The following LRRIQ1 variants were observed in gnomAD, a reference collection of about 807,000 sequenced individuals.
LRRIQ1 encodes leucine-rich repeat- and IQ domain-containing protein 1.
A neutral mutation model predicts 211.9 loss-of-function variants in LRRIQ1; 210 were observed. The observed-to-expected ratio is 0.99, with a 90% CI of 0.89 to 1.11. The LOEUF (loss-of-function observed/expected upper bound fraction) is 1.11. LRRIQ1 is among the 50% of genes most tolerant of loss of function. LRRIQ1 has a pLI of 0.00. For synonymous variants in LRRIQ1, 699 were observed against 650.1 expected (o/e 1.08, Z -1.14); for missense variants, 2,136 against 1,939.5 (o/e 1.10, Z -1.90).
chr12:85,106,207 C>A (rs1234435104), intron 14 of LRRIQ1, among the ~76,000 whole-genome samples: 1 of 152,128 alleles, frequency 6.6e-6, no homozygotes, highest in African/African-American at 2.4e-5. Context: ...TTTGTGCTTA[C>A]AATCTGTCAC....
intron 3 of LRRIQ1, 87 bp from the exon 4 acceptor site, chr12:85,044,631 G>C: frequency 3.4e-6 from 2 of 592,698 alleles, no homozygotes; most frequent in Non-Finnish European, 6.0e-6. Flanking sequence ...TAGAATTTGA[G>C]GTTAAAAATT....
Position 85,184,999 on chromosome 12 carries a change from A to T in LRRIQ1, c.4822+24285A>T, listed in dbSNP as rs925726894. On this transcript the variant is annotated intron_variant, in intron 24 of 26. Transcript: ENST00000393217. Reference sequence around the variant, plus strand: ...TTACACTTTTCATAAGGATCATATGATTTATCAAACAAAAGAAATTCTCAG... The same window carrying T: ...TTACACTTTTCATAAGGATCATATGTTTTATCAAACAAAAGAAATTCTCAG... 2.0e-5 allele frequency among the ~76,000 whole-genome samples: 3 copies of T among 152,122 alleles called. No homozygotes were observed. The East Asian group carries it at 5.8e-4, about 29-fold the overall frequency.
At position 85,053,798 on chromosome 12, in the gene LRRIQ1, C is replaced by A. The variant is rs1880625351; in HGVS notation, c.753+1547C>A. ...TCTCGGCTCACTTCAAGCTCCGCCT[C>A]CTGGGTTCACGCCATTCTCCTGCCT... On this transcript the variant is annotated intron_variant, in intron 7 of 26. Coordinates refer to ENST00000393217, the MANE Select transcript of LRRIQ1 (RefSeq NM_001079910.2). 2.0e-5 allele frequency among the ~76,000 whole-genome samples: 3 copies of A among 152,304 alleles called. No individual in the cohort carries two copies. In the South Asian group the frequency reaches 6.2e-4, roughly 32 times the overall value.
intron 14 of LRRIQ1, among the ~76,000 whole-genome samples, chr12:85,104,819 T>C (rs1886652408): frequency 6.6e-6 from 1 of 152,136 alleles, no homozygotes; most frequent in East Asian, 1.9e-4. Flanking sequence ...AGAGTATAAT[T>C]GTTGGATAAT....
chr12:85,251,741 A>C (rs996797804), intron 1 of LRRIQ1, among the ~76,000 whole-genome samples: 32 of 150,922 alleles, frequency 2.1e-4, no homozygotes, highest in African/African-American at 7.6e-4. Context: ...AATTAGAAAG[A>C]CATATATGTG....
At chr12:85,201,852 C>T (rs531706634) in intron 24 of LRRIQ1, among the ~76,000 whole-genome samples, 1 of 152,016 alleles carries the variant, frequency 6.6e-6, no homozygotes, top group East Asian at 1.9e-4. Flanking sequence ...TCTCTTGTTT[C>T]TCTAGTTCCT....
chr12:85,246,386 G>A (rs868839419), downstream of LRRIQ1, among the ~76,000 whole-genome samples: 10 of 150,950 alleles, frequency 6.6e-5, no homozygotes, highest in East Asian at 3.9e-4. Context: ...ATAATTTTAC[G>A]CATTGCATAT....
chr12:85,189,113 A>G (rs1312747037), intron 24 of LRRIQ1, among the ~76,000 whole-genome samples: 1 of 152,114 alleles, frequency 6.6e-6, no homozygotes, highest in Non-Finnish European at 1.5e-5. Flanking sequence ...AAAAACATAA[A>G]CAGTTAGCTA....
At chr12:85,266,535 G>T (rs757497817), downstream of LRRIQ1, among the ~76,000 whole-genome samples, 9 of 152,072 alleles carry the variant, frequency 5.9e-5, no homozygotes, top group Middle Eastern at 3.2e-3. Context: ...CAAACCAAAA[G>T]TTAAACTGAA....
intron 24 of LRRIQ1, among the ~76,000 whole-genome samples, chr12:85,209,749 G>C (rs1256455136): frequency 6.6e-6 from 1 of 151,460 alleles, no homozygotes; most frequent in African/African-American, 2.4e-5. Flanking sequence ...TATTTCTTGA[G>C]CAAAAAAAAT....
At chr12:85,102,511 T>G (rs2136299233) in intron 13 of LRRIQ1, among the ~76,000 whole-genome samples, 1 of 151,898 alleles carries the variant, frequency 6.6e-6, no homozygotes, top group Non-Finnish European at 1.5e-5. Context: ...CAGAGAAATG[T>G]TCTCCCAGCC....
the LRRIQ1 span, among the ~76,000 whole-genome samples, chr12:85,272,614 A>T: frequency 1.3e-5 from 2 of 152,210 alleles, no homozygotes; most frequent in Admixed American, 1.3e-4. Flanking sequence ...ACTTAAAAAT[A>T]CTTGTTTAGT....
chr12:85,085,585 G>T (rs1884734639), intron 11 of LRRIQ1, among the ~76,000 whole-genome samples: 1 of 152,120 alleles, frequency 6.6e-6, no homozygotes, highest in South Asian at 2.1e-4. Flanking sequence ...ACCACTCCCT[G>T]CTTCACTCTC....
At chr12:85,044,110 G>C (rs974655478) in intron 3 of LRRIQ1, among the ~76,000 whole-genome samples, 4 of 151,978 alleles carry the variant, frequency 2.6e-5, no homozygotes, top group African/African-American at 9.7e-5. Context: ...CAAAATAGGT[G>C]TGAATAATCA....
chr12:85,227,110 C>A (rs536779163), intron 24 of LRRIQ1, among the ~76,000 whole-genome samples: 1 of 150,650 alleles, frequency 6.6e-6, no homozygotes, highest in Non-Finnish European at 1.5e-5. Flanking sequence ...CTTGAGGAAT[C>A]GCCACACTGT....
chr12:85,204,259 G>C (rs553544963), intron 24 of LRRIQ1, among the ~76,000 whole-genome samples: 2 of 152,156 alleles, frequency 1.3e-5, no homozygotes, highest in Non-Finnish European at 2.9e-5. Context: ...ATTTTGCCTG[G>C]ATGCCCAGGC....
intron 24 of LRRIQ1, among the ~76,000 whole-genome samples, chr12:85,199,507 G>A (rs543773496): frequency 2.3e-4 from 35 of 151,984 alleles, no homozygotes; most frequent in African/African-American, 8.4e-4. Flanking sequence ...TGGTTACTGT[G>A]GCCTTATAGT....
intron 26 of LRRIQ1, among the ~76,000 whole-genome samples, chr12:85,233,846 G>T (rs1895061889): frequency 6.6e-6 from 1 of 152,120 alleles, no homozygotes. Context: ...ACATATTATT[G>T]ATTAACACTT....
At chr12:85,259,084 G>T (rs980462729) in intron 1 of LRRIQ1, among the ~76,000 whole-genome samples, 1 of 151,996 alleles carries the variant, frequency 6.6e-6, no homozygotes, top group Admixed American at 6.6e-5. Flanking sequence ...GAAAAATAGA[G>T]CATAATCATC....
Sources: gnomAD v4.1 joint callset for allele counts (sites outside exome capture counted in the v4.1 genomes callset) on GRCh38, gnomAD v4.1.1 for gene constraint, MANE v1.5 for transcripts, NCBI Gene and HGNC (gene_info 2026-07-23, HGNC 2026-07-21) for gene names.